The following SV2C variants were observed in gnomAD, a reference collection of about 807,000 sequenced individuals.
SV2C encodes synaptic vesicle glycoprotein 2C, also known as solute carrier family 22 member B3.
A neutral mutation model predicts 79.7 loss-of-function variants in SV2C; 49 were observed. The observed-to-expected ratio is 0.61, with a 90% CI of 0.49 to 0.78. The LOEUF is 0.78. SV2C is among the 30% of genes least tolerant of loss of function. The pLI, the probability that SV2C is intolerant of heterozygous loss-of-function variation, is 0.00. For synonymous variants in SV2C, 334 were observed against 333.2 expected (o/e 1.00, Z -0.03); for missense variants, 833 against 912.9 (o/e 0.91, Z 1.13).
intron 2 of SV2C, among the ~76,000 whole-genome samples, chr5:76,146,949 G>A (rs1052632052): frequency 3.9e-5 from 6 of 151,906 alleles, no homozygotes; most frequent in African/African-American, 1.2e-4. Context: ...ACACACAAAG[G>A]GACAAATATT....
the SV2C span, among the ~76,000 whole-genome samples, chr5:75,932,699 A>G: frequency 6.6e-6 from 1 of 152,062 alleles, no homozygotes; most frequent in East Asian, 1.9e-4. Flanking sequence ...GCAGTTTTCC[A>G]CTCTGGGCGG....
At chr5:76,084,035 G>A (rs1747086522) in intron 1 of SV2C, 1 of 152,272 alleles carries the variant, frequency 6.6e-6, no homozygotes, top group African/African-American at 2.4e-5. Context: ...CGCAGTAAGT[G>A]CTGAGAGAGC....
At chr5:76,009,794 T>C in the SV2C span, among the ~76,000 whole-genome samples, 1 of 152,018 alleles carries the variant, frequency 6.6e-6, no homozygotes, top group Non-Finnish European at 1.5e-5. Flanking sequence ...TGAAAAACTA[T>C]TGGATACTAT....
At chr5:75,969,782 A>G in the SV2C span, among the ~76,000 whole-genome samples, 6 of 152,062 alleles carry the variant, frequency 3.9e-5, no homozygotes, top group African/African-American at 1.2e-4. Flanking sequence ...AAAAGTAACA[A>G]GGATATCCAG....
upstream of SV2C, among the ~76,000 whole-genome samples, chr5:76,082,819 G>A (rs1747039397): frequency 6.6e-6 from 1 of 152,256 alleles, no homozygotes; most frequent in East Asian, 1.9e-4. Context: ...CGTCGGGGTG[G>A]GGGCTGGGGG....
At chr5:75,856,955 CTTTTTTTTTTTT>C in the SV2C span, among the ~76,000 whole-genome samples, 1 of 128,522 alleles carries the variant, frequency 7.8e-6, no homozygotes, top group Non-Finnish European at 1.6e-5. Flanking sequence ...GTCTTTAATC[CTTTTTTTTTTTT>C]TTTTTTTGGG....
chr5:76,023,281 A>C, the SV2C span, among the ~76,000 whole-genome samples: 1 of 152,174 alleles, frequency 6.6e-6, no homozygotes, highest in Non-Finnish European at 1.5e-5. Context: ...CTGTCAAAAT[A>C]AAGTAGTCAA....
intron 1 of SV2C, among the ~76,000 whole-genome samples, chr5:76,121,761 G>T (rs1370864404): frequency 1.3e-5 from 2 of 151,742 alleles, no homozygotes; most frequent in Non-Finnish European, 2.9e-5. Flanking sequence ...ATGCTGTTTT[G>T]GTTTCTGTAG....
chr5:76,006,376 G>A, the SV2C span, among the ~76,000 whole-genome samples: 7 of 152,104 alleles, frequency 4.6e-5, no homozygotes, highest in African/African-American at 1.7e-4. Context: ...TATGTAAGAG[G>A]AAAAATGGTT....
the SV2C span, among the ~76,000 whole-genome samples, chr5:75,886,387 C>G: frequency 6.6e-6 from 1 of 152,184 alleles, no homozygotes; most frequent in Non-Finnish European, 1.5e-5. Context: ...GCCTTCCCCT[C>G]TGAGCCACCA....
intron 2 of SV2C, among the ~76,000 whole-genome samples, chr5:76,154,500 A>G (rs766520942): frequency 2.1e-4 from 32 of 152,196 alleles, no homozygotes; most frequent in Non-Finnish European, 4.4e-4. Context: ...GGTGGTATTC[A>G]GCATCTGTCT....
At chr5:76,003,124 T>A in the SV2C span, among the ~76,000 whole-genome samples, 1 of 152,278 alleles carries the variant, frequency 6.6e-6, no homozygotes, top group African/African-American at 2.4e-5. Context: ...ACTGCCATCA[T>A]GTGAATAAGG....
rs1748471904 is a variant in SV2C at position 76,312,290 on chromosome 5, T to C, written c.2000+10745T>C. 2.0e-5 allele frequency among the ~76,000 whole-genome samples: 3 copies of C among 151,680 alleles called. 1 individual carries two copies. Among genetic ancestry groups the C allele is most frequent in the Admixed American group, 2.0e-4 (3 of 15,228 alleles). ...GGGGGGGGGACAGGGTCTCACTCTG[T>C]CACCCAGGCTGGAGTGCAGTGACGC... On this transcript the variant is annotated intron_variant, in intron 12 of 12. Transcript: ENST00000502798.
the SV2C span, among the ~76,000 whole-genome samples, chr5:75,965,486 C>T: frequency 2.7e-3 from 416 of 152,228 alleles, no homozygotes; most frequent in African/African-American, 9.6e-3. Context: ...CCATGTGACA[C>T]ACAGTGAAAA....
intron 1 of SV2C, among the ~76,000 whole-genome samples, chr5:76,098,774 A>T (rs1392882149): frequency 6.6e-6 from 1 of 152,250 alleles, no homozygotes; most frequent in African/African-American, 2.4e-5. Context: ...GAGAAAAGCC[A>T]GTGATTAATA....
chr5:76,024,757 C>T, the SV2C span, among the ~76,000 whole-genome samples: 13 of 152,090 alleles, frequency 8.5e-5, no homozygotes, highest in South Asian at 4.1e-4. Context: ...GACCTCCAGT[C>T]GGCCCTGTGG....
rs17747410 is a variant in SV2C, at chr5:76,251,867, T to C, written c.914-33295T>C. On this transcript the variant is annotated intron_variant, in intron 4 of 12. Coordinates refer to ENST00000502798, the MANE Select transcript of SV2C (RefSeq NM_014979.4). ...ACCACTTAATCATTAATTTAATCAT[T>C]AAACTAGGATTGTTAGCATGAAAAC... 2.0e-3 allele frequency among the ~76,000 whole-genome samples: 303 copies of C among 152,296 alleles called. 12 individuals are homozygous for C. In the East Asian group the frequency reaches 0.058, roughly 29 times the overall value.
At chr5:76,000,159 C>A in the SV2C span, among the ~76,000 whole-genome samples, 17 of 152,146 alleles carry the variant, frequency 1.1e-4, no homozygotes, top group African/African-American at 3.4e-4. Context: ...CTCTCACAGA[C>A]ACACCCAGAA....
chr5:75,915,303 A>T, the SV2C span, among the ~76,000 whole-genome samples: 1 of 152,204 alleles, frequency 6.6e-6, no homozygotes, highest in Non-Finnish European at 1.5e-5. Context: ...ACTCCTAATC[A>T]TGACACCATG....
Sources: gnomAD v4.1 joint callset for allele counts (sites outside exome capture counted in the v4.1 genomes callset) on GRCh38, gnomAD v4.1.1 for gene constraint, MANE v1.5 for transcripts, NCBI Gene and HGNC (gene_info 2026-07-23, HGNC 2026-07-21) for gene names.